The following ADGRL2 variants were observed in gnomAD, a reference collection of about 807,000 sequenced individuals.
ADGRL2 encodes calcium-independent alpha-latrotoxin receptor 2.
Under a neutral mutation model 157.4 loss-of-function variants are expected in ADGRL2, and 44 were observed. That is an observed-to-expected ratio of 0.28 (90% confidence interval 0.22 to 0.36). The LOEUF (loss-of-function observed/expected upper bound fraction) is 0.36, where lower values mean the gene tolerates loss of function less well. Among genes scored for constraint, ADGRL2 ranks in the 10% least tolerant of loss-of-function variants. The pLI, the probability that ADGRL2 is intolerant of heterozygous loss-of-function variation, is 1.00. For missense variants in ADGRL2, 1,510 were observed against 1,768.9 expected, an observed-to-expected ratio of 0.85 and a Z score of 2.63; for synonymous variants, 585 against 624.7, an observed-to-expected ratio of 0.94 and a Z score of 0.95.
intron 7 of ADGRL2, 148 bp downstream of exon 7, chr1:81,950,630 T>A (rs991251492): frequency 5.3e-6 from 4 of 758,580 alleles, no homozygotes; most frequent in Non-Finnish European, 8.5e-6. Flanking sequence ...ATGGACAAAG[T>A]TTTTTAAACT....
intron 1 of ADGRL2, among the ~76,000 whole-genome samples, chr1:81,397,618 C>T (rs1387704803): frequency 1.3e-5 from 2 of 151,800 alleles, no homozygotes; most frequent in South Asian, 2.1e-4. Flanking sequence ...TGCGCCCAGC[C>T]CTTATAATGT....
chr1:81,592,175 T>G (rs950557538), intron 3 of ADGRL2, among the ~76,000 whole-genome samples: 1 of 152,200 alleles, frequency 6.6e-6, no homozygotes, highest in African/African-American at 2.4e-5. Context: ...CATCAGCTAC[T>G]ACATCCTCTT....
chr1:81,648,638 G>C (rs1312141464), intron 3 of ADGRL2, among the ~76,000 whole-genome samples: 1 of 152,122 alleles, frequency 6.6e-6, no homozygotes, highest in Non-Finnish European at 1.5e-5. Context: ...GGGTTCCAAG[G>C]AGAATAAAAT....
chr1:81,400,728 T>C (rs1364855742), intron 1 of ADGRL2, among the ~76,000 whole-genome samples: 1 of 152,062 alleles, frequency 6.6e-6, no homozygotes, highest in African/African-American at 2.4e-5. Context: ...CAGCTGTCTT[T>C]TGGGCCCTGG....
rs547211803 is a variant in ADGRL2, at chr1:81,662,987, G to A, written c.-143+82007G>A. On this transcript the variant is annotated intron_variant, in intron 3 of 24. Transcript: ENST00000370721. ...GCACCAGAGACTGCCACTTTGAAAC[G>A]CTAAAAGGCCTTACAAACTGCCTTA... Among the ~76,000 whole-genome samples the A allele has an allele frequency of 7.2e-5, 11 of 152,124 alleles. No homozygotes were observed. In the South Asian group the frequency reaches 1.7e-3, roughly 23 times the overall value.
chr1:81,584,296 G>A (rs1252354485), intron 3 of ADGRL2, among the ~76,000 whole-genome samples: 1 of 151,846 alleles, frequency 6.6e-6, no homozygotes, highest in East Asian at 1.9e-4. Context: ...TAATTTTAAT[G>A]GTATTTTTAA....
chr1:81,382,049 G>T (rs1018315153), intron 1 of ADGRL2, among the ~76,000 whole-genome samples: 1 of 152,174 alleles, frequency 6.6e-6, no homozygotes, highest in African/African-American at 2.4e-5. Flanking sequence ...CGACATGAAA[G>T]AATCTTGTAG....
Position 81,844,907 on chromosome 1 carries a change from G to GT in ADGRL2, c.73+7858dup, listed in dbSNP as rs113900343. 2.9e-4 allele frequency among the ~76,000 whole-genome samples: 44 copies of GT among 151,834 alleles called. 1 individual carries two copies. The highest frequency in any genetic ancestry group is 3.4e-3 in the Middle Eastern group (1 of 292). On this transcript the variant is annotated intron_variant, in intron 2 of 23. Transcript: ENST00000686636. Reference sequence around the variant, plus strand: ...TTGAGGGCTTATTTTTCTTAAAAGTGTTTTTTTTCTTCTGATTTTGAATGT... The same window carrying GT: ...TTGAGGGCTTATTTTTCTTAAAAGTGTTTTTTTTTCTTCTGATTTTGAATGT...
At chr1:81,658,575 C>G (rs1146696) in intron 3 of ADGRL2, among the ~76,000 whole-genome samples, 49,778 of 151,960 alleles carry the variant, frequency 0.33, 8,590 homozygotes, top group African/African-American at 0.42. Context: ...CCCACCTTCC[C>G]ACACTTCTGA....
At chr1:81,925,868 A>G (rs771687439) in intron 3 of ADGRL2, among the ~76,000 whole-genome samples, 1 of 152,058 alleles carries the variant, frequency 6.6e-6, no homozygotes, top group African/African-American at 2.4e-5. Context: ...TTCATCAAAC[A>G]TCTCAGGAGT....
intron 1 of ADGRL2, among the ~76,000 whole-genome samples, chr1:81,357,569 A>T (rs1663409374): frequency 6.6e-6 from 1 of 152,222 alleles, no homozygotes; most frequent in Non-Finnish European, 1.5e-5. Context: ...CAGTTAAAAA[A>T]ATCTTAGCAC....
At chr1:81,658,287 G>C (rs2082578557) in intron 3 of ADGRL2, among the ~76,000 whole-genome samples, 1 of 152,116 alleles carries the variant, frequency 6.6e-6, no homozygotes, top group Non-Finnish European at 1.5e-5. Flanking sequence ...TAGAGACTGG[G>C]TTTCACCATG....
intron 1 of ADGRL2, among the ~76,000 whole-genome samples, chr1:81,377,207 G>A (rs1234711771): frequency 7.4e-6 from 1 of 134,628 alleles, no homozygotes; most frequent in African/African-American, 2.7e-5. Flanking sequence ...CCAAACTAAA[G>A]CAAAGAAACA....
At chr1:81,974,348 G>A (rs541492686) in intron 17 of ADGRL2, among the ~76,000 whole-genome samples, 5 of 152,286 alleles carry the variant, frequency 3.3e-5, no homozygotes, top group South Asian at 2.1e-4. Context: ...ATCATGACAC[G>A]TCAGGAGCTG....
chr1:81,993,370 G>A lies in ADGRL2; in HGVS notation c.*2225G>A, dbSNP rs142440963. 2.0e-5 allele frequency among the ~76,000 whole-genome samples: 3 copies of A among 151,862 alleles called. No homozygotes were observed. In the East Asian group the frequency reaches 5.8e-4, roughly 29 times the overall value. ...TGCCTAAAACCATACAGTATTGTGT[G>A]ATGTGTAATTCCTAGTATACAAGCT... is the stretch of plus-strand genomic sequence containing the variant. On this transcript the variant is annotated 3_prime_UTR_variant, in exon 24 of 24. Transcript: ENST00000686636.
At chr1:81,713,807 C>T (rs2084016602) in intron 1 of ADGRL2, among the ~76,000 whole-genome samples, 1 of 152,148 alleles carries the variant, frequency 6.6e-6, no homozygotes. Flanking sequence ...CTCAAAAGCC[C>T]TAGATCATTC....
At chr1:81,499,891 T>C (rs2078808577) in intron 2 of ADGRL2, among the ~76,000 whole-genome samples, 1 of 152,170 alleles carries the variant, frequency 6.6e-6, no homozygotes, top group African/African-American at 2.4e-5. Flanking sequence ...TATATTTATA[T>C]GTACATATGT....
At chr1:81,807,370 T>G (rs1041826261) in intron 1 of ADGRL2, among the ~76,000 whole-genome samples, 6 of 151,982 alleles carry the variant, frequency 3.9e-5, no homozygotes, top group African/African-American at 1.2e-4. Flanking sequence ...ACCCAAATAT[T>G]CATCTCTTCA....
intron 2 of ADGRL2, among the ~76,000 whole-genome samples, chr1:81,777,620 C>T (rs12087281): frequency 2.6e-5 from 4 of 151,856 alleles, no homozygotes; most frequent in African/African-American, 4.8e-5. Context: ...AAAATTAGCC[C>T]GGTGTCATGG....
Sources: gnomAD v4.1 joint callset for allele counts (sites outside exome capture counted in the v4.1 genomes callset) on GRCh38, gnomAD v4.1.1 for gene constraint, MANE v1.5 for transcripts, NCBI Gene and HGNC (gene_info 2026-07-23, HGNC 2026-07-21) for gene names.